ATP2B2: variants seen among roughly 807,000 people sequenced by gnomAD.
The protein encoded by ATP2B2 is ATPase plasma membrane Ca2+ transporting 2, also known as plasma membrane calcium-transporting ATPase 2.
ATP2B2 carries 15 observed loss-of-function variants against 120.0 expected under a neutral mutation model. The observed-to-expected ratio is 0.12, with a 90% CI of 0.08 to 0.19. ATP2B2 has a LOEUF of 0.19. ATP2B2 is among the 10% of genes least tolerant of loss of function. ATP2B2 has a pLI of 1.00. For missense variants in ATP2B2, 1,045 were observed against 1,719.8 expected, an observed-to-expected ratio of 0.61 and a Z score of 6.94; for synonymous variants, 694 against 700.3, an observed-to-expected ratio of 0.99 and a Z score of 0.14.
chr3:10,356,151 TGTGC>T (rs201471172), intron 14 of ATP2B2, among the ~76,000 whole-genome samples: 14 of 46,154 alleles, frequency 3.0e-4, no homozygotes, highest in Admixed American at 8.3e-4. Flanking sequence ...TTTGTGCGTG[TGTGC>T]GTGTGTGTGT....
chr3:10,355,777 C>T (rs531845480), intron 14 of ATP2B2, among the ~76,000 whole-genome samples: 6 of 138,270 alleles, frequency 4.3e-5, no homozygotes, highest in Non-Finnish European at 6.1e-5. Context: ...TGACTTAGAA[C>T]TACTTGTCCT....
intron 1 of ATP2B2, among the ~76,000 whole-genome samples, chr3:10,480,267 A>G (rs996586756): frequency 2.6e-5 from 4 of 152,214 alleles, no homozygotes; most frequent in Non-Finnish European, 4.4e-5. Flanking sequence ...CAGTAAAATG[A>G]GGCTAACAAC....
intron 2 of ATP2B2, among the ~76,000 whole-genome samples, chr3:10,444,273 T>C (rs1472597625): frequency 6.6e-6 from 1 of 152,214 alleles, no homozygotes; most frequent in Non-Finnish European, 1.5e-5. Flanking sequence ...CTGGCTTCCC[T>C]GTTGACCTCT....
At chr3:10,660,375 A>AT (rs1280177111) in intron 1 of ATP2B2, among the ~76,000 whole-genome samples, 1 of 152,228 alleles carries the variant, frequency 6.6e-6, no homozygotes, top group African/African-American at 2.4e-5. Context: ...AAGAAAAGAG[A>AT]GAAGAATCAA....
At chr3:10,464,408 C>A (rs2064645144) in intron 1 of ATP2B2, among the ~76,000 whole-genome samples, 1 of 152,072 alleles carries the variant, frequency 6.6e-6, no homozygotes, top group Non-Finnish European at 1.5e-5. Context: ...AGGCTCCAAG[C>A]CCCCCAAATA....
rs372210449 is a variant in ATP2B2, at chr3:10,501,779, G to T, written c.-320+3686C>A. ...GCTGGAGACCTCAGTTTCCCCACGT[G>T]TGACAGGTACAGGCAGAACAGCATG... On this transcript the variant is annotated intron_variant, in intron 1 of 22. Transcript: ENST00000360273. Among the ~76,000 whole-genome samples, 10 of 152,178 alleles carry T rather than the reference G, an allele frequency of 6.6e-5. No individual in the cohort carries two copies. The East Asian group carries it at 9.6e-4, about 15-fold the overall frequency.
At chr3:10,466,145 G>A (rs973599214) in intron 1 of ATP2B2, among the ~76,000 whole-genome samples, 2 of 152,186 alleles carry the variant, frequency 1.3e-5, no homozygotes, top group Non-Finnish European at 2.9e-5. Flanking sequence ...CTTTGTCCAG[G>A]ATAGTCTGTG....
At chr3:10,457,867 T>C (rs142577800) in intron 1 of ATP2B2, among the ~76,000 whole-genome samples, 4 of 151,984 alleles carry the variant, frequency 2.6e-5, no homozygotes, top group Non-Finnish European at 5.9e-5. Context: ...GTGGCAGACG[T>C]AGGTCTAAGG....
chr3:10,482,125 C>T (rs11916087), intron 1 of ATP2B2, among the ~76,000 whole-genome samples: 2,884 of 152,260 alleles, frequency 0.019, 76 homozygotes, highest in African/African-American at 0.062. Flanking sequence ...AGTGTTGGTG[C>T]GCGGTAGGTG....
At chr3:10,485,103 C>T (rs1248350166) in intron 1 of ATP2B2, among the ~76,000 whole-genome samples, 1 of 152,146 alleles carries the variant, frequency 6.6e-6, no homozygotes, top group Non-Finnish European at 1.5e-5. Flanking sequence ...GAGACAGAGG[C>T]AAGGGGCAGG....
At chr3:10,664,303 A>G (rs1007039843) in intron 1 of ATP2B2, among the ~76,000 whole-genome samples, 6 of 152,170 alleles carry the variant, frequency 3.9e-5, no homozygotes, top group Admixed American at 3.9e-4. Flanking sequence ...TAAAGTGGTC[A>G]GCGGCTGAGA....
intron 1 of ATP2B2, among the ~76,000 whole-genome samples, chr3:10,689,358 G>A (rs901263790): frequency 1.3e-5 from 2 of 152,046 alleles, no homozygotes; most frequent in Non-Finnish European, 2.9e-5. Context: ...ACTGTGTGAC[G>A]GGAAAGGCAT....
intron 2 of ATP2B2, among the ~76,000 whole-genome samples, chr3:10,555,347 G>A (rs151153034): frequency 1.2e-4 from 19 of 152,358 alleles, no homozygotes; most frequent in South Asian, 6.2e-4. Flanking sequence ...ATGATTGCCT[G>A]TTGAATGGAC....
intron 1 of ATP2B2, among the ~76,000 whole-genome samples, chr3:10,478,691 C>T (rs1219433139): frequency 6.6e-6 from 1 of 152,186 alleles, no homozygotes; most frequent in East Asian, 1.9e-4. Flanking sequence ...ATTCATTTTC[C>T]TCCTTCCTAC....
chr3:10,606,910 CACAGAGAGAGAGAGAGAGAG>C lies in ATP2B2; in HGVS notation c.-415+12987_-415+13006del, dbSNP rs1434376496. 3.0e-4 allele frequency among the ~76,000 whole-genome samples: 14 copies of C among 46,078 alleles called. No individual in the cohort carries two copies. In the Middle Eastern group the frequency reaches 0.083, roughly 274 times the overall value. 30.2% of individuals were successfully genotyped at this position (46,078 alleles called of 152,430 possible). A position where few individuals can be genotyped will look rare whatever the true frequency, so the allele number is the denominator to read the frequency against. On this transcript the variant is annotated intron_variant, in intron 2 of 21. Coordinates refer to the ATP2B2 transcript ENST00000646379. ...ACACACACACACACACACACACACA[CACAGAGAGAGAGAGAGAGAG>C]AGAGAGAGGGAGAGGGAGAGGGGGA...
At chr3:10,525,710 T>C (rs1467173208) in intron 3 of ATP2B2, among the ~76,000 whole-genome samples, 5 of 152,194 alleles carry the variant, frequency 3.3e-5, no homozygotes, top group Admixed American at 2.6e-4. Flanking sequence ...AGGGGTATTT[T>C]GGGCTACAAG....
intron 1 of ATP2B2, among the ~76,000 whole-genome samples, chr3:10,675,602 G>A (rs567371930): frequency 6.6e-6 from 1 of 152,282 alleles, no homozygotes; most frequent in South Asian, 2.1e-4. Flanking sequence ...TTCCGGTGTA[G>A]CCCAGGGTGC....
chr3:10,424,679 T>C (rs1015508101), intron 2 of ATP2B2, among the ~76,000 whole-genome samples: 4 of 152,226 alleles, frequency 2.6e-5, no homozygotes, highest in African/African-American at 9.6e-5. Context: ...TAAACGGTGG[T>C]ACATCTATTC....
At chr3:10,692,808 G>C (rs2071688419) in intron 1 of ATP2B2, among the ~76,000 whole-genome samples, 1 of 139,580 alleles carries the variant, frequency 7.2e-6, no homozygotes, top group African/African-American at 2.7e-5. Flanking sequence ...TGTGGTGGGG[G>C]ACAGAATGAG....
Sources: gnomAD v4.1 joint callset for allele counts (sites outside exome capture counted in the v4.1 genomes callset) on GRCh38, gnomAD v4.1.1 for gene constraint, MANE v1.5 for transcripts, NCBI Gene and HGNC (gene_info 2026-07-23, HGNC 2026-07-21) for gene names.